IGSF10: variants seen among roughly 807,000 people sequenced by gnomAD.
IGSF10 encodes immunoglobulin superfamily member 10.
In IGSF10, 126 loss-of-function variants were observed where a neutral mutation model predicts 128.2. That is an observed-to-expected ratio of 0.98 (90% CI 0.85 to 1.14). The LOEUF is 1.14. Among genes scored for constraint, IGSF10 ranks in the 50% most tolerant of loss-of-function variants. IGSF10 has a pLI of 0.00. For missense variants in IGSF10, 3,295 were observed against 3,149.8 expected (o/e 1.05, Z -1.10); for synonymous variants, 1,185 against 1,146.2 (o/e 1.03, Z -0.68).
the IGSF10 span, among the ~76,000 whole-genome samples, chr3:151,559,058 A>G: frequency 6.6e-6 from 1 of 152,310 alleles, no homozygotes; most frequent in Non-Finnish European, 1.5e-5. Flanking sequence ...TACACTGAGG[A>G]AAATAAATCA....
In IGSF10 at chr3:151,446,354, A is replaced by G. The variant is rs753921412; in HGVS notation, c.3627T>C (p.Phe1209=). 4.3e-6 allele frequency: 7 copies of G among 1,613,606 alleles called. No individual in the cohort carries two copies. The South Asian group carries it at 7.7e-5, about 18-fold the overall frequency. Residue 1209 remains phenylalanine, a synonymous_variant, in exon 6 of 8, where the codon TTT becomes TTC. Transcript: ENST00000282466. The part of the protein sequence containing the change: ...SRRKIPWQQN[F]VNNHNPKGRL... ...TGCCTTTTGGGTTATGGTTATTTAC[A>G]AAGTTCTGTTGCCAGGGAATTTTCC...
At chr3:151,514,481 G>T in the IGSF10 span, among the ~76,000 whole-genome samples, 2 of 152,158 alleles carry the variant, frequency 1.3e-5, no homozygotes, top group Non-Finnish European at 2.9e-5. Flanking sequence ...AAGGATTAAA[G>T]ACTTAAATGT....
At chr3:151,608,571 T>C in the IGSF10 span, among the ~76,000 whole-genome samples, 1 of 152,230 alleles carries the variant, frequency 6.6e-6, no homozygotes, top group African/African-American at 2.4e-5. Context: ...TTACTCTCTT[T>C]CACTTTTGGT....
At chr3:151,558,093 T>C in the IGSF10 span, among the ~76,000 whole-genome samples, 1 of 132,766 alleles carries the variant, frequency 7.5e-6, no homozygotes. Context: ...AGTGGATAGA[T>C]TCTATTTTTC....
chr3:151,547,211 C>A, the IGSF10 span, among the ~76,000 whole-genome samples: 3 of 152,096 alleles, frequency 2.0e-5, no homozygotes, highest in Middle Eastern at 3.2e-3. Context: ...CACACACATG[C>A]AAGCTTCCAA....
chr3:151,438,596 C>T lies in IGSF10; in HGVS notation c.5965G>A (p.Val1989Met). Residue 1989 changes from valine (V) to methionine (M), a missense_variant and splice_region_variant, in exon 8 of 8, where the codon GTG becomes ATG. Transcript: ENST00000282466. The stretch of plus-strand genomic sequence containing the variant: ...GGGTAGACGTGGATCCAGCTGCCCA[C>T]TCTAAGGAGAAAAGAGATTCATTTG... ...SKAVVDQQHR[V>M]GSWIHVYPNG... 1.9e-6 allele frequency: 3 copies of T among 1,608,484 alleles called. No homozygotes were observed. In the South Asian group the frequency reaches 3.3e-5, roughly 18 times the overall value.
chr3:151,552,951 T>C, the IGSF10 span, among the ~76,000 whole-genome samples: 1 of 152,200 alleles, frequency 6.6e-6, no homozygotes, highest in Admixed American at 6.6e-5. Context: ...GTTTTACGGC[T>C]CATCCATGTC....
chr3:151,546,040 C>CG, the IGSF10 span, among the ~76,000 whole-genome samples: 1 of 109,510 alleles, frequency 9.1e-6, no homozygotes, highest in African/African-American at 3.7e-5. Flanking sequence ...CATATGTGGC[C>CG]ACAAAAAAAA....
chr3:151,547,077 T>G, the IGSF10 span, among the ~76,000 whole-genome samples: 2 of 152,152 alleles, frequency 1.3e-5, no homozygotes, highest in African/African-American at 4.8e-5. Context: ...CCGGCCTCTT[T>G]TCTCCATATT....
the IGSF10 span, among the ~76,000 whole-genome samples, chr3:151,614,624 G>T: frequency 6.6e-6 from 1 of 151,060 alleles, no homozygotes; most frequent in African/African-American, 2.4e-5. Flanking sequence ...TGAACAATGA[G>T]AACACATGGA....
At position 151,441,793 on chromosome 3, in the gene IGSF10, G is replaced by A. The variant is rs112369329; in HGVS notation, c.5963+1191C>T. Among the ~76,000 whole-genome samples the A allele has an allele frequency of 5.3e-3, 804 of 152,310 alleles. 4 individuals carry two copies. The highest frequency in any genetic ancestry group is 0.01 in the South Asian group (50 of 4,828). ...AATGAATATTGAGGCCAGGCACGGT[G>A]GCTCATGCCTGTAATCCCAGCACTT... On this transcript the variant is annotated intron_variant, in intron 7 of 7. Coordinates refer to ENST00000282466, the MANE Select transcript of IGSF10 (RefSeq NM_178822.5).
chr3:151,467,539 G>T, the IGSF10 span, among the ~76,000 whole-genome samples: 4 of 152,146 alleles, frequency 2.6e-5, no homozygotes, highest in Admixed American at 2.0e-4. Flanking sequence ...ACCTGAGGAG[G>T]GTATTAAAGA....
the IGSF10 span, among the ~76,000 whole-genome samples, chr3:151,481,578 C>A: frequency 6.6e-6 from 1 of 152,136 alleles, no homozygotes; most frequent in East Asian, 1.9e-4. Flanking sequence ...CTCAGAGCAA[C>A]CGACCCTGGC....
At chr3:151,536,326 C>T in the IGSF10 span, among the ~76,000 whole-genome samples, 1 of 152,216 alleles carries the variant, frequency 6.6e-6, no homozygotes, top group East Asian at 1.9e-4. Context: ...AAGACCACCA[C>T]GAGGGCAGAG....
chr3:151,466,403 T>A, the IGSF10 span, among the ~76,000 whole-genome samples: 1 of 152,138 alleles, frequency 6.6e-6, no homozygotes, highest in Admixed American at 6.5e-5. Context: ...AAGATCAAAT[T>A]GGATTTGATA....
rs201661662 is a variant in IGSF10, at chr3:151,436,766, C to T, written c.7795G>A (p.Asp2599Asn). 73 of 1,613,964 alleles carry T rather than the reference C, an allele frequency of 4.5e-5. No individual in the cohort carries two copies. The highest frequency in any genetic ancestry group is 2.9e-4 in the African/African-American group (22 of 74,894). ...GCTGTGCATTTGTATATCCCAGAAT[C>T]GGAGGTTTGGGGATTCTGAATGACT... ...TLVIQNPQTS[D>N]SGIYKCTAKN... The change falls in exon 8 of 8, where the codon GAT (aspartate) becomes AAT (asparagine). Residue 2599 changes from aspartate (D) to asparagine (N), a missense_variant. Asp to Asn is a conservative substitution (Grantham distance 23, BLOSUM62 1). Coordinates refer to ENST00000282466, the MANE Select transcript of IGSF10 (RefSeq NM_178822.5).
At chr3:151,482,363 A>T in the IGSF10 span, among the ~76,000 whole-genome samples, 1 of 152,206 alleles carries the variant, frequency 6.6e-6, no homozygotes, top group African/African-American at 2.4e-5. Context: ...TATCATTAAA[A>T]CAACCACCAA....
At chr3:151,460,733 G>GTTT (rs201403882) in intron 1 of IGSF10, among the ~76,000 whole-genome samples, 70 of 142,876 alleles carry the variant, frequency 4.9e-4, no homozygotes, top group African/African-American at 1.6e-3. Flanking sequence ...CTCAGTGTGT[G>GTTT]TTTTTTTTTT....
In IGSF10 at chr3:151,446,923, C is replaced by T. The variant is rs865939816; in HGVS notation, c.3058G>A (p.Gly1020Arg). 6.2e-7 allele frequency: 1 copy of T among 1,614,176 alleles called. No individual in the cohort carries two copies. The highest frequency in any genetic ancestry group is 8.5e-7 in the Non-Finnish European group (1 of 1,180,030). Residue 1020 changes from glycine (G) to arginine (R), a missense_variant, in exon 6 of 8, where the codon GGG becomes AGG. Gly to Arg is a moderately radical substitution (Grantham distance 125, BLOSUM62 -2). Coordinates refer to ENST00000282466, the MANE Select transcript of IGSF10 (RefSeq NM_178822.5). ...GTTCTATATGGGCTGATAATCCGCCCCCTTCCGCCAATTTTCCTCTGCCTC... is the reference window on the plus strand; with the variant it reads ...GTTCTATATGGGCTGATAATCCGCCTCCTTCCGCCAATTTTCCTCTGCCTC... ...FGRQRKIGGR[G>R]RIISPYRTPV... is the part of the protein sequence containing the mutation.
Sources: gnomAD v4.1 joint callset for allele counts (sites outside exome capture counted in the v4.1 genomes callset) on GRCh38, gnomAD v4.1.1 for gene constraint, MANE v1.5 for transcripts, NCBI Gene and HGNC (gene_info 2026-07-23, HGNC 2026-07-21) for gene names.